Variants in PLA2G4E observed in about 807,000 individuals in gnomAD.
PLA2G4E encodes phospholipase A2 group IVE, also known as cytosolic phospholipase A2 epsilon.
In PLA2G4E, 84 loss-of-function variants were observed where a neutral mutation model predicts 109.1. The observed-to-expected ratio is 0.77, with a 90% CI of 0.65 to 0.92. The LOEUF (loss-of-function observed/expected upper bound fraction) is 0.92, where lower values mean the gene tolerates loss of function less well. Ranked by LOEUF, PLA2G4E falls within the 40% of genes least tolerant of loss-of-function variation. The pLI, the probability that PLA2G4E is intolerant of heterozygous loss-of-function variation, is 0.00. For missense variants in PLA2G4E, 1,057 were observed against 1,076.6 expected, an observed-to-expected ratio of 0.98 and a Z score of 0.25; for synonymous variants, 469 against 436.1, an observed-to-expected ratio of 1.08 and a Z score of -0.94.
At chr15:41,987,471 G>A (rs1364916124) in intron 16 of PLA2G4E, 96 bp from the exon 17 acceptor site, 18 of 1,192,998 alleles carry the variant, frequency 1.5e-5, no homozygotes, top group Non-Finnish European at 2.2e-5. Context: ...ACCCAGGGGT[G>A]AGCACTGTAA....
rs552026231 is a variant in PLA2G4E, at chr15:42,042,429, T to C, written c.183+8092A>G. On this transcript the variant is annotated intron_variant, in intron 1 of 19. Transcript: ENST00000399518. ...TTGTAATGTCTATACTGAATACATA[T>C]ATTATTTATAATCAGAAGAACAATT... Among the ~76,000 whole-genome samples the C allele has an allele frequency of 1.1e-4, 16 of 152,344 alleles. No individual in the cohort carries two copies. In the South Asian group the frequency reaches 3.1e-3, roughly 30 times the overall value.
intron 12 of PLA2G4E, 86 bp downstream of exon 12, chr15:41,995,274 G>T: frequency 6.6e-7 from 1 of 1,505,614 alleles, no homozygotes; most frequent in Non-Finnish European, 9.0e-7. Flanking sequence ...TCTTTGGGTG[G>T]CGGGGAGGAG....
chr15:41,995,598 G>T, intron 11 of PLA2G4E, 102 bp from the exon 12 acceptor site: 1 of 1,486,422 alleles, frequency 6.7e-7, no homozygotes, highest in Non-Finnish European at 9.1e-7. Flanking sequence ...GGAGGAGGCA[G>T]AGCTGGCTAC....
At position 41,992,889 on chromosome 15, in the gene PLA2G4E, G is replaced by A. The variant is rs762214857; in HGVS notation, c.1318C>T (p.Arg440Trp). The change falls in exon 13 of 20, where the codon CGG becomes TGG. Residue 440 changes from arginine to tryptophan, a missense_variant. Physicochemically the swap from Arg to Trp is moderately radical, Grantham distance 101 (BLOSUM62 -3). Coordinates refer to ENST00000399518, the Ensembl canonical transcript of PLA2G4E. The stretch of plus-strand genomic sequence containing the variant: ...AGCTTGTCCTTTACCACATGTCTCC[G>A]AGCCTCAAAGATAGCAGGCTCCAAG... 36 of 1,613,866 alleles carry A rather than the reference G, an allele frequency of 2.2e-5. No individual in the cohort carries two copies. Among genetic ancestry groups the A allele is most frequent in the Non-Finnish European group, 2.8e-5 (33 of 1,179,908 alleles).
At chr15:42,013,880 TGG>T in intron 1 of PLA2G4E, 123 bp from the exon 2 acceptor site, 2 of 298,408 alleles carry the variant, frequency 6.7e-6, no homozygotes, top group Non-Finnish European at 5.9e-6. Flanking sequence ...ACCCCTAGGC[TGG>T]TTTTTTTTTT....
intron 1 of PLA2G4E, among the ~76,000 whole-genome samples, chr15:42,026,343 A>G (rs898560405): frequency 2.0e-5 from 3 of 152,254 alleles, no homozygotes; most frequent in Non-Finnish European, 4.4e-5. Flanking sequence ...AATGGGTGAC[A>G]TGGCAAAAGT....
chr15:42,029,594 G>A (rs1164167449), intron 1 of PLA2G4E, among the ~76,000 whole-genome samples: 2 of 152,158 alleles, frequency 1.3e-5, no homozygotes, highest in East Asian at 1.9e-4. Flanking sequence ...GGATGACATC[G>A]TCATTGTCTC....
At chr15:42,036,313 G>T (rs1318069800) in intron 1 of PLA2G4E, among the ~76,000 whole-genome samples, 1 of 152,200 alleles carries the variant, frequency 6.6e-6, no homozygotes, top group Non-Finnish European at 1.5e-5. Flanking sequence ...CGCGACTGGG[G>T]AGAGCAGGGC....
intron 2 of PLA2G4E, among the ~76,000 whole-genome samples, chr15:42,011,187 A>T (rs1381478355): frequency 6.6e-6 from 1 of 152,276 alleles, no homozygotes; most frequent in Non-Finnish European, 1.5e-5. Flanking sequence ...GGTATCGCCC[A>T]AAGGCAGCCT....
At chr15:42,047,726 G>A (rs953887089) in intron 1 of PLA2G4E, among the ~76,000 whole-genome samples, 1 of 152,134 alleles carries the variant, frequency 6.6e-6, no homozygotes, top group Non-Finnish European at 1.5e-5. Context: ...TTGCAGAGCT[G>A]GTGGTGACTC....
At chr15:42,001,362 G>T in intron 6 of PLA2G4E, 142 bp from the exon 7 acceptor site, 1 of 766,848 alleles carries the variant, frequency 1.3e-6, no homozygotes, top group Non-Finnish European at 2.2e-6. Context: ...AGAATGTGTT[G>T]ACCACATTTT....
At chr15:41,988,084 A>T in exon 16 of PLA2G4E, 1 of 1,607,856 alleles carries the variant, frequency 6.2e-7, no homozygotes. Flanking sequence ...CCACCTGTGG[A>T]AAAACTCCTC....
chr15:41,982,258 T>G (rs539279270), exon 20 of PLA2G4E: 7 of 152,354 alleles, frequency 4.6e-5, no homozygotes, highest in Admixed American at 3.3e-4. Flanking sequence ...TTTCACCTTC[T>G]ATCAGCCTGG....
At chr15:42,044,519 G>T (rs7176475) in intron 1 of PLA2G4E, among the ~76,000 whole-genome samples, 13,142 of 151,718 alleles carry the variant, frequency 0.087, 594 homozygotes, top group South Asian at 0.13. Context: ...TGCCACCGAA[G>T]GGTATTAAGC....
intron 2 of PLA2G4E, chr15:42,010,213 A>G: frequency 1.9e-6 from 1 of 520,988 alleles, no homozygotes; most frequent in East Asian, 5.7e-5. Context: ...TGCCAGCTCT[A>G]TACCTACTGG....
chr15:42,041,698 C>T (rs1319770183), intron 1 of PLA2G4E, among the ~76,000 whole-genome samples: 1 of 152,170 alleles, frequency 6.6e-6, no homozygotes, highest in Non-Finnish European at 1.5e-5. Context: ...TTTACCTTAT[C>T]AGAACCACTC....
intron 1 of PLA2G4E, among the ~76,000 whole-genome samples, chr15:42,043,337 C>G (rs1889350574): frequency 6.6e-6 from 1 of 151,998 alleles, no homozygotes; most frequent in African/African-American, 2.4e-5. Context: ...GAAGGGCCAG[C>G]CTGGCCTAGT....
chr15:42,006,202 C>A, intron 3 of PLA2G4E, 81 bp from the exon 4 acceptor site: 1 of 1,560,390 alleles, frequency 6.4e-7, no homozygotes, highest in Non-Finnish European at 8.7e-7. Context: ...GACCTCTGTC[C>A]TAGCAAGGAG....
chr15:41,999,418 C>A, intron 10 of PLA2G4E, 106 bp downstream of exon 10: 1 of 804,946 alleles, frequency 1.2e-6, no homozygotes, highest in Admixed American at 2.2e-5. Context: ...AGATGTTCAA[C>A]ATCATTAGCC....
Sources: allele counts gnomAD v4.1 joint callset (sites outside exome capture counted in the v4.1 genomes callset), GRCh38; gene constraint gnomAD v4.1.1; transcripts MANE v1.5; gene names NCBI Gene and HGNC (gene_info 2026-07-23, HGNC 2026-07-21).